The following TNKS variants were observed in gnomAD, a reference collection of about 807,000 sequenced individuals.
The protein encoded by TNKS is poly [ADP-ribose] polymerase tankyrase-1.
A neutral mutation model predicts 135.8 loss-of-function variants in TNKS; 72 were observed. That is an observed-to-expected ratio of 0.53 (90% CI 0.44 to 0.64). The LOEUF is 0.64. TNKS is among the 30% of genes least tolerant of loss of function. The pLI is 0.00. For synonymous variants in TNKS, 849 were observed against 649.3 expected (o/e 1.31, Z -4.68); for missense variants, 1,769 against 1,674.0 (o/e 1.06, Z -0.99).
chr8:9,701,462 TACTG>T (rs1803800606), intron 5 of TNKS, among the ~76,000 whole-genome samples: 1 of 152,210 alleles, frequency 6.6e-6, no homozygotes, highest in Non-Finnish European at 1.5e-5. Context: ...CTTGCTGACT[TACTG>T]ACCAGTCCTC....
intron 14 of TNKS, among the ~76,000 whole-genome samples, chr8:9,731,978 G>A (rs1805467633): frequency 1.3e-5 from 2 of 152,032 alleles, no homozygotes; most frequent in Admixed American, 6.6e-5. Context: ...TAGGAGAGAC[G>A]GGGTTTCACT....
In TNKS at chr8:9,780,563, A is replaced by G. The variant is rs1313050056; in HGVS notation, c.*3827A>G. 2 of 152,256 alleles carry G rather than the reference A, an allele frequency of 1.3e-5. No homozygotes were observed. Among genetic ancestry groups the G allele is most frequent in the African/African-American group, 4.8e-5 (2 of 41,476 alleles). The allele number at this position is 152,256 out of a possible 1,614,324, so 9.4% of individuals were successfully genotyped here. A position where few individuals can be genotyped will look rare whatever the true frequency, so the allele number is the denominator to read the frequency against. ...AGCATATGGAAAGCAAATGCACTCGAAAACTACTATTCTAGAACATGAGGC... is the reference window on the plus strand; with the variant it reads ...AGCATATGGAAAGCAAATGCACTCGGAAACTACTATTCTAGAACATGAGGC... On this transcript the variant is annotated 3_prime_UTR_variant, in exon 27 of 27. Transcript: ENST00000310430.
chr8:9,678,022 G>T (rs759865465), intron 3 of TNKS, among the ~76,000 whole-genome samples: 1 of 152,020 alleles, frequency 6.6e-6, no homozygotes, highest in Non-Finnish European at 1.5e-5. Context: ...ATTTACACTG[G>T]CTGGTAAGCT....
At chr8:9,657,737 C>T (rs1346191556) in intron 3 of TNKS, among the ~76,000 whole-genome samples, 41 of 129,166 alleles carry the variant, frequency 3.2e-4, no homozygotes, top group Admixed American at 5.1e-4. Context: ...CGGGCAGAGG[C>T]GCCCCTCACC....
intron 13 of TNKS, among the ~76,000 whole-genome samples, chr8:9,730,306 A>G (rs1049309274): frequency 6.6e-6 from 1 of 152,192 alleles, no homozygotes; most frequent in African/African-American, 2.4e-5. Flanking sequence ...AAACTAGGGT[A>G]TGATTAAAAA....
At chr8:9,632,865 G>C (rs1800349682) in intron 3 of TNKS, among the ~76,000 whole-genome samples, 1 of 152,134 alleles carries the variant, frequency 6.6e-6, no homozygotes, top group African/African-American at 2.4e-5. Context: ...GAGTAGCTGG[G>C]ACTACAGGCG....
chr8:9,562,703 A>G (rs28622033), intron 1 of TNKS, among the ~76,000 whole-genome samples: 37,924 of 151,998 alleles, frequency 0.25, 4,929 homozygotes, highest in East Asian at 0.39. Flanking sequence ...TACCTCTTCT[A>G]TGTTGCATCT....
intron 2 of TNKS, among the ~76,000 whole-genome samples, chr8:9,612,463 G>A (rs1799496937): frequency 1.3e-5 from 2 of 152,104 alleles, no homozygotes; most frequent in African/African-American, 4.8e-5. Flanking sequence ...ACTGCCCAGG[G>A]TCAGGGGTCA....
At chr8:9,675,852 C>G (rs549837197) in intron 3 of TNKS, among the ~76,000 whole-genome samples, 1 of 152,078 alleles carries the variant, frequency 6.6e-6, no homozygotes, top group Non-Finnish European at 1.5e-5. Context: ...ACACCAATTT[C>G]AGATGATCCC....
intron 20 of TNKS, among the ~76,000 whole-genome samples, chr8:9,756,468 T>C (rs111542528): frequency 0.014 from 2,168 of 151,884 alleles, 26 homozygotes; most frequent in African/African-American, 0.034. Context: ...GTATACTAGA[T>C]AGAAATAACT....
At chr8:9,623,355 A>G (rs1182812845) in intron 3 of TNKS, among the ~76,000 whole-genome samples, 1 of 152,166 alleles carries the variant, frequency 6.6e-6, no homozygotes, top group Non-Finnish European at 1.5e-5. Context: ...TAACCTGTGT[A>G]CAGGCATACC....
chr8:9,589,386 G>A (rs1187103501), intron 2 of TNKS, among the ~76,000 whole-genome samples: 1 of 152,224 alleles, frequency 6.6e-6, no homozygotes, highest in Non-Finnish European at 1.5e-5. Flanking sequence ...ATAACTGCAT[G>A]TAAAGTTGGA....
chr8:9,704,801 C>G, intron 6 of TNKS, 44 bp downstream of exon 6: 1 of 1,495,668 alleles, frequency 6.7e-7, no homozygotes, highest in Non-Finnish European at 9.3e-7. Flanking sequence ...TGTTTTTTGT[C>G]TGATACTCTA....
In TNKS at chr8:9,752,607, A is replaced by G; in HGVS notation, c.3134A>G (p.Asp1045Gly). ...LKSLGLEHLR[D>G]IFETEQITLD... is the part of the protein sequence containing the mutation. ...AGCCTTGGCCTTGAACACCTTCGGGATATCTTTGAAACAGAACAGGTAAAT... is the reference window on the plus strand; with the variant it reads ...AGCCTTGGCCTTGAACACCTTCGGGGTATCTTTGAAACAGAACAGGTAAAT... The change falls in exon 20 of 27, where the codon GAT becomes GGT. Residue 1045 changes from aspartate (D) to glycine (G), a missense_variant. Transcript: ENST00000310430. 6.2e-7 allele frequency: 1 copy of G among 1,612,118 alleles called. No individual in the cohort carries two copies. The highest frequency in any genetic ancestry group is 8.5e-7 in the Non-Finnish European group (1 of 1,178,604).
chr8:9,726,755 G>T, intron 13 of TNKS, 35 bp downstream of exon 13: 1 of 1,520,420 alleles, frequency 6.6e-7, no homozygotes, highest in Non-Finnish European at 9.1e-7. Flanking sequence ...GAATAGCACT[G>T]TTGAACTTTG....
intron 2 of TNKS, among the ~76,000 whole-genome samples, chr8:9,597,680 GT>G (rs559360124): frequency 7.1e-4 from 108 of 152,256 alleles, no homozygotes; most frequent in African/African-American, 2.5e-3. Flanking sequence ...GAAATAATTG[GT>G]TAATATTTTT....
At chr8:9,662,533 G>C (rs963063268) in intron 3 of TNKS, among the ~76,000 whole-genome samples, 1 of 152,058 alleles carries the variant, frequency 6.6e-6, no homozygotes, top group East Asian at 1.9e-4. Flanking sequence ...CTCATAGGTG[G>C]GTATTGAACA....
intron 25 of TNKS, among the ~76,000 whole-genome samples, chr8:9,769,193 G>A (rs757698886): frequency 2.0e-5 from 3 of 152,170 alleles, no homozygotes; most frequent in Non-Finnish European, 4.4e-5. Context: ...ATATGTAAAT[G>A]AATGCATGGC....
At position 9,658,998 on chromosome 8, in the gene TNKS, A is replaced by G. The variant is rs139131568; in HGVS notation, c.995-20953A>G. Among the ~76,000 whole-genome samples the G allele has an allele frequency of 3.2e-4, 49 of 152,370 alleles. No individual in the cohort carries two copies. In the East Asian group the frequency reaches 8.9e-3, roughly 28 times the overall value. On this transcript the variant is annotated intron_variant, in intron 3 of 26. Transcript: ENST00000310430. Reference sequence around the variant, plus strand: ...CAAAAGAGACAAAGAAGGCCCTTACATAATGGTAAAGGGATCAATTCCACA... The same window carrying G: ...CAAAAGAGACAAAGAAGGCCCTTACGTAATGGTAAAGGGATCAATTCCACA...
Sources: allele counts gnomAD v4.1 joint callset (sites outside exome capture counted in the v4.1 genomes callset), GRCh38; gene constraint gnomAD v4.1.1; transcripts MANE v1.5; gene names NCBI Gene and HGNC (gene_info 2026-07-23, HGNC 2026-07-21).